Variants in ATRNL1 observed in about 807,000 individuals in gnomAD.
ATRNL1 encodes the protein attractin like 1.
Under a neutral mutation model 182.7 loss-of-function variants are expected in ATRNL1, and 95 were observed. The observed-to-expected ratio is 0.52, with a 90% CI of 0.44 to 0.62. The LOEUF (loss-of-function observed/expected upper bound fraction) is 0.62. ATRNL1 is among the 20% of genes least tolerant of loss of function. ATRNL1 has a pLI of 0.00. For missense variants in ATRNL1, 1,471 were observed against 1,679.5 expected (o/e 0.88, Z 2.17); for synonymous variants, 576 against 568.3 (o/e 1.01, Z -0.19).
chr10:115,726,138 T>G (rs4491139), intron 26 of ATRNL1, among the ~76,000 whole-genome samples: 33,650 of 152,034 alleles, frequency 0.22, 4,049 homozygotes, highest in East Asian at 0.44. Flanking sequence ...ATAAATAAAC[T>G]TGTGTTTAAA....
intron 27 of ATRNL1, among the ~76,000 whole-genome samples, chr10:115,759,838 G>A (rs1457832911): frequency 5.0e-5 from 6 of 120,990 alleles, no homozygotes; most frequent in Non-Finnish European, 9.8e-5. Context: ...ACCACACCTG[G>A]CTATTTTTTT....
chr10:115,371,947 T>C (rs1252302614), intron 19 of ATRNL1, among the ~76,000 whole-genome samples: 1 of 152,144 alleles, frequency 6.6e-6, no homozygotes, highest in Non-Finnish European at 1.5e-5. Flanking sequence ...CTTTCCATGC[T>C]ATTTGAGATA....
intron 26 of ATRNL1, among the ~76,000 whole-genome samples, chr10:115,683,945 G>A (rs1398238729): frequency 6.6e-6 from 1 of 151,686 alleles, no homozygotes; most frequent in African/African-American, 2.4e-5. Flanking sequence ...TCATTGACCT[G>A]TGTTTTAGCC....
At chr10:115,921,556 T>C (rs1953063204) in intron 28 of ATRNL1, among the ~76,000 whole-genome samples, 1 of 152,216 alleles carries the variant, frequency 6.6e-6, no homozygotes, top group Non-Finnish European at 1.5e-5. Flanking sequence ...CCCCCATATT[T>C]CTGGTTTTCA....
intron 24 of ATRNL1, among the ~76,000 whole-genome samples, chr10:115,488,269 T>A (rs530671352): frequency 6.6e-6 from 1 of 152,300 alleles, no homozygotes; most frequent in East Asian, 1.9e-4. Context: ...TCTTTTTCTA[T>A]TGTTTGGAAT....
rs571943858 is a variant in ATRNL1 at position 115,706,590 on chromosome 10, G to T, written c.3796-20658G>T. 2.0e-5 allele frequency among the ~76,000 whole-genome samples: 3 copies of T among 151,842 alleles called. No homozygotes were observed. The South Asian group carries it at 6.2e-4, about 32-fold the overall frequency. Reference sequence around the variant, plus strand: ...CATGAATTTATTTAATACCAATGTTGTCTTCCATTTTTACACCCATTTCAA... The same window carrying T: ...CATGAATTTATTTAATACCAATGTTTTCTTCCATTTTTACACCCATTTCAA... On this transcript the variant is annotated intron_variant, in intron 26 of 28. Transcript: ENST00000355044.
At chr10:115,586,826 C>G (rs868988906) in intron 26 of ATRNL1, among the ~76,000 whole-genome samples, 1 of 113,412 alleles carries the variant, frequency 8.8e-6, no homozygotes, top group Non-Finnish European at 2.0e-5. Flanking sequence ...GGAGGAGAGG[C>G]GCTCTGCTTT....
At chr10:115,166,865 A>T (rs1554884485) in intron 7 of ATRNL1, among the ~76,000 whole-genome samples, 1 of 151,856 alleles carries the variant, frequency 6.6e-6, no homozygotes, top group East Asian at 1.9e-4. Context: ...CTTTGTTGAG[A>T]GTGTCCTTTG....
At chr10:115,265,655 G>A (rs982686591) in intron 11 of ATRNL1, among the ~76,000 whole-genome samples, 3 of 151,620 alleles carry the variant, frequency 2.0e-5, no homozygotes, top group Non-Finnish European at 4.4e-5. Context: ...AAAGTGAGAA[G>A]AATTAGATTC....
intron 28 of ATRNL1, among the ~76,000 whole-genome samples, chr10:115,913,575 G>A (rs545759572): frequency 6.6e-6 from 1 of 152,368 alleles, no homozygotes; most frequent in African/African-American, 2.4e-5. Context: ...ATACCTGGCA[G>A]AGAGGAAACA....
intron 26 of ATRNL1, among the ~76,000 whole-genome samples, chr10:115,684,209 T>G (rs1946145123): frequency 6.6e-6 from 1 of 151,410 alleles, no homozygotes; most frequent in Non-Finnish European, 1.5e-5. Context: ...TTCTACTTTT[T>G]GTTAATTTTT....
intron 26 of ATRNL1, 87 bp from the exon 27 acceptor site, chr10:115,727,161 C>T (rs1385533056): frequency 1.1e-6 from 1 of 870,812 alleles, no homozygotes. Context: ...TTTTCAATGC[C>T]ATTTGTTAAA....
At chr10:115,178,249 A>G (rs1554887196) in intron 8 of ATRNL1, among the ~76,000 whole-genome samples, 1 of 152,000 alleles carries the variant, frequency 6.6e-6, no homozygotes, top group African/African-American at 2.4e-5. Context: ...CTAGAGTACA[A>G]CTTCTAAAAG....
At chr10:115,558,013 C>T (rs1053075077) in intron 26 of ATRNL1, among the ~76,000 whole-genome samples, 1 of 151,346 alleles carries the variant, frequency 6.6e-6, no homozygotes, top group South Asian at 2.1e-4. Flanking sequence ...CCACTGCACT[C>T]CAGCCTGGCG....
At chr10:115,352,836 G>T (rs1438115643) in intron 19 of ATRNL1, among the ~76,000 whole-genome samples, 1 of 152,134 alleles carries the variant, frequency 6.6e-6, no homozygotes, top group Non-Finnish European at 1.5e-5. Context: ...GGAGGTGGAG[G>T]TTGTGGTGAG....
chr10:115,142,845 G>C (rs1411130777), intron 5 of ATRNL1, among the ~76,000 whole-genome samples: 1 of 152,158 alleles, frequency 6.6e-6, no homozygotes, highest in Non-Finnish European at 1.5e-5. Context: ...GATGTGGGGG[G>C]TGAGGGAAAG....
At chr10:115,264,556 TTC>T (rs1246965547) in intron 10 of ATRNL1, among the ~76,000 whole-genome samples, 6 of 151,546 alleles carry the variant, frequency 4.0e-5, no homozygotes, top group Non-Finnish European at 8.9e-5. Flanking sequence ...TATATGTCAG[TTC>T]TGAGTTTATA....
intron 25 of ATRNL1, among the ~76,000 whole-genome samples, chr10:115,548,467 C>A (rs1852792875): frequency 6.6e-6 from 1 of 152,162 alleles, no homozygotes; most frequent in African/African-American, 2.4e-5. Flanking sequence ...CCAGGTTTTT[C>A]TTGTAATGTC....
At chr10:115,560,875 A>G (rs1953602) in intron 26 of ATRNL1, among the ~76,000 whole-genome samples, 24,868 of 152,144 alleles carry the variant, frequency 0.16, 2,555 homozygotes, top group South Asian at 0.24. Context: ...ATTGATTTTT[A>G]CAAGGGTACC....
Sources: allele counts gnomAD v4.1 joint callset (sites outside exome capture counted in the v4.1 genomes callset), GRCh38; gene constraint gnomAD v4.1.1; transcripts MANE v1.5; gene names NCBI Gene and HGNC (gene_info 2026-07-23, HGNC 2026-07-21).